Variants in TSEN2 observed in about 807,000 individuals in gnomAD.
TSEN2 encodes tRNA splicing endonuclease subunit 2.
TSEN2 carries 54 observed loss-of-function variants against 59.2 expected under a neutral mutation model. The ratio of observed to expected loss-of-function variants is 0.91; its 90% CI spans 0.73 to 1.14. The LOEUF (loss-of-function observed/expected upper bound fraction) is 1.14, where lower values mean the gene tolerates loss of function less well. Among genes scored for constraint, TSEN2 ranks in the 50% most tolerant of loss-of-function variants. The probability of loss-of-function intolerance (pLI) is 0.00; values close to 1 mark genes in which losing one functional copy is unlikely to be tolerated. For missense variants in TSEN2, 636 were observed against 576.2 expected, an observed-to-expected ratio of 1.10 and a Z score of -1.06; for synonymous variants, 195 against 198.2, an observed-to-expected ratio of 0.98 and a Z score of 0.14.
chr3:12,483,642 T>C (rs17036801), upstream of TSEN2, among the ~76,000 whole-genome samples: 9,035 of 152,182 alleles, frequency 0.059, 560 homozygotes, highest in African/African-American at 0.15. Flanking sequence ...CATCATCACA[T>C]CTAGCACCAT....
chr3:12,491,149 C>T (rs1045373307), intron 2 of TSEN2, among the ~76,000 whole-genome samples: 1 of 152,052 alleles, frequency 6.6e-6, no homozygotes, highest in Admixed American at 6.6e-5. Flanking sequence ...TGCCACCATG[C>T]CTGGCTAATT....
chr3:12,532,668 AT>A lies in TSEN2; in HGVS notation c.1347del (p.Leu450Ter). 3.7e-6 allele frequency: 6 copies of A among 1,614,058 alleles called. No homozygotes were observed. Among genetic ancestry groups the A allele is most frequent in the Non-Finnish European group, 5.1e-6 (6 of 1,180,004 alleles). On this transcript the variant is annotated frameshift_variant, in exon 12 of 12. Transcript: ENST00000284995. LOFTEE classifies it high-confidence loss of function. ...CMKRIKVQEV[I>X]LSRWVSSRER... ...TTTTTTTTATTGGTTGTAGGAGGTG[AT>A]TCTGAGTCGATGGGTTTCTTCACGA... is the stretch of plus-strand genomic sequence containing the variant.
intron 4 of TSEN2, among the ~76,000 whole-genome samples, chr3:12,498,370 A>G (rs1274077487): frequency 1.3e-5 from 2 of 152,204 alleles, no homozygotes; most frequent in East Asian, 1.9e-4. Flanking sequence ...CATGAACTCA[A>G]TCTGCATTCA....
At chr3:12,485,756 T>C (rs566293536) in intron 1 of TSEN2, among the ~76,000 whole-genome samples, 219 of 152,126 alleles carry the variant, frequency 1.4e-3, no homozygotes, top group Non-Finnish European at 2.4e-3. Context: ...TGACTCCAAT[T>C]CCAAACCAAC....
chr3:12,490,327 TA>T (rs1385781951), intron 2 of TSEN2, among the ~76,000 whole-genome samples: 1 of 152,130 alleles, frequency 6.6e-6, no homozygotes, highest in African/African-American at 2.4e-5. Context: ...ATGTAATGGG[TA>T]AAAAAGTGAA....
chr3:12,485,884 A>G (rs888114221), intron 1 of TSEN2, among the ~76,000 whole-genome samples: 1 of 152,212 alleles, frequency 6.6e-6, no homozygotes, highest in African/African-American at 2.4e-5. Flanking sequence ...AGCTCTCGCT[A>G]TCAGGTTCCG....
rs754216494 is a variant in TSEN2, at chr3:12,503,545, G to A, written c.592G>A (p.Gly198Ser). ...ATTAGGCTGCCTGCAGGAGGGCTCT[G>A]GCTGCCACCCAACAACAGAGAGCTT... ...EPLGCLQEGS[G>S]CHPTTESFEK... Residue 198 changes from glycine to serine, a missense_variant, in exon 5 of 12, where the codon GGC becomes AGC. Coordinates refer to ENST00000284995, the MANE Select transcript of TSEN2 (RefSeq NM_025265.4). 8 of 1,611,762 alleles carry A rather than the reference G, an allele frequency of 5.0e-6. No individual in the cohort carries two copies. In the South Asian group the frequency reaches 8.8e-5, roughly 18 times the overall value.
rs113461494 is a variant in TSEN2, at chr3:12,486,218, T to C, written c.-18+1338T>C. 9.8e-5 allele frequency among the ~76,000 whole-genome samples: 15 copies of C among 152,320 alleles called. 1 individual carries two copies. Among genetic ancestry groups the C allele is most frequent in the African/African-American group, 3.6e-4 (15 of 41,572 alleles). On this transcript the variant is annotated intron_variant, in intron 1 of 11. Coordinates refer to ENST00000284995, the MANE Select transcript of TSEN2 (RefSeq NM_025265.4). ...GGTACCTACCTATGACAGTTTCCTC[T>C]TCTTATTTTACTCACATCCCACCTC... is the stretch of plus-strand genomic sequence containing the variant.
chr3:12,529,407 G>A (rs1045793245), intron 9 of TSEN2, among the ~76,000 whole-genome samples: 9 of 151,324 alleles, frequency 5.9e-5, no homozygotes, highest in African/African-American at 7.3e-5. Flanking sequence ...CGGAGGTTGC[G>A]GTGAGCCAAG....
chr3:12,529,020 A>G (rs2057290181), intron 9 of TSEN2, 96 bp downstream of exon 9: 2 of 1,262,558 alleles, frequency 1.6e-6, no homozygotes, highest in Non-Finnish European at 2.3e-6. Context: ...AACAAAAGTC[A>G]TGTTCTTCCT....
chr3:12,499,288 C>A (rs993122472), intron 4 of TSEN2, among the ~76,000 whole-genome samples: 2 of 152,156 alleles, frequency 1.3e-5, no homozygotes, highest in African/African-American at 2.4e-5. Flanking sequence ...TGGTTGCCCA[C>A]CCCGTTGTCC....
intron 10 of TSEN2, chr3:12,531,085 C>T (rs2057427755): frequency 6.5e-6 from 1 of 154,126 alleles, no homozygotes; most frequent in South Asian, 2.0e-4. Context: ...GAGGAAGCCC[C>T]TTATAAAACC....
intron 4 of TSEN2, among the ~76,000 whole-genome samples, chr3:12,498,055 T>C (rs1049721379): frequency 6.6e-6 from 1 of 151,894 alleles, no homozygotes; most frequent in Non-Finnish European, 1.5e-5. Context: ...TGTGTGTCTT[T>C]GTCCAAATTT....
intron 1 of TSEN2, among the ~76,000 whole-genome samples, chr3:12,486,487 T>C (rs1391219241): frequency 6.6e-6 from 1 of 152,230 alleles, no homozygotes; most frequent in Non-Finnish European, 1.5e-5. Context: ...CTGGTATCTG[T>C]GAAGTCATTC....
intron 4 of TSEN2, among the ~76,000 whole-genome samples, chr3:12,500,956 C>T (rs970302404): frequency 5.3e-5 from 8 of 152,288 alleles, no homozygotes; most frequent in South Asian, 2.1e-4. Context: ...GGTTCTGTCA[C>T]GTGTTTTGAG....
intron 8 of TSEN2, among the ~76,000 whole-genome samples, chr3:12,526,948 C>G (rs1180826738): frequency 2.0e-5 from 3 of 152,186 alleles, no homozygotes; most frequent in Non-Finnish European, 4.4e-5. Flanking sequence ...TAGAAAAGAT[C>G]TCAATTTCCC....
At chr3:12,530,562 G>T in intron 10 of TSEN2, 1 of 985,546 alleles carries the variant, frequency 1.0e-6, no homozygotes, top group Non-Finnish European at 1.2e-6. Flanking sequence ...AAAACAAATT[G>T]TAGATACCCT....
chr3:12,503,398 G>T lies in TSEN2; in HGVS notation c.445G>T (p.Val149Leu). 6.2e-7 allele frequency: 1 copy of T among 1,614,224 alleles called. No individual in the cohort carries two copies. The highest frequency in any genetic ancestry group is 2.2e-5 in the East Asian group (1 of 44,878). ...TGTGAAAAGGAATGAAGAGGCTCAA[G>T]TGCATGACAAGCTTAACTCTGGAAT... The part of the protein sequence containing the change: ...PPVKRNEEAQ[V>L]HDKLNSGMVS... Residue 149 changes from valine (V) to leucine (L), a missense_variant, in exon 5 of 12, where the codon GTG becomes TTG. Coordinates refer to ENST00000284995, the MANE Select transcript of TSEN2 (RefSeq NM_025265.4).
At chr3:12,510,077 A>G (rs147612418) in intron 6 of TSEN2, among the ~76,000 whole-genome samples, 1 of 152,306 alleles carries the variant, frequency 6.6e-6, no homozygotes, top group East Asian at 1.9e-4. Flanking sequence ...CTTTCAATTA[A>G]TTATTTTACT....
Sources: gnomAD v4.1 joint callset for allele counts (sites outside exome capture counted in the v4.1 genomes callset) on GRCh38, gnomAD v4.1.1 for gene constraint, MANE v1.5 for transcripts, NCBI Gene and HGNC (gene_info 2026-07-23, HGNC 2026-07-21) for gene names.